Variants in PPT2 observed in about 807,000 individuals in gnomAD.
PPT2 encodes palmitoyl-protein thioesterase 2, also known as lysosomal thioesterase PPT2.
PPT2 carries 20 observed loss-of-function variants against 37.3 expected under a neutral mutation model. That is an observed-to-expected ratio of 0.54 (90% confidence interval 0.38 to 0.78). The LOEUF is 0.78. Among genes scored for constraint, PPT2 ranks in the 30% least tolerant of loss-of-function variants. PPT2 has a pLI of 0.00. For missense variants in PPT2, 270 were observed against 389.8 expected, an observed-to-expected ratio of 0.69 and a Z score of 2.59; for synonymous variants, 135 against 159.1, an observed-to-expected ratio of 0.85 and a Z score of 1.14.
At position 32,162,858 on chromosome 6, in the gene PPT2, A is replaced by G; in HGVS notation, c.817A>G (p.Ile273Val). ...GLKTLLARGA[I>V]VRCPMAGISH... ...GAAGACTCTATTGGCCCGGGGGGCC[A>G]TAGTGAGGTGTCCAATGGCCGGTAT... The change falls in exon 9 of 9, where the codon ATA (isoleucine) becomes GTA (valine). Residue 273 changes from isoleucine to valine, a missense_variant. Physicochemically the swap from Ile to Val is conservative, Grantham distance 29. Coordinates refer to ENST00000324816, the MANE Select transcript of PPT2 (RefSeq NM_005155.7). The surrounding 1 kb of genome is among the most constrained non-coding windows in gnomAD (Gnocchi z 5.5). 1 of 1,613,996 alleles carries G rather than the reference A, an allele frequency of 6.2e-7. No homozygotes were observed. The highest frequency in any genetic ancestry group is 8.5e-7 in the Non-Finnish European group (1 of 1,179,868).
At position 32,154,419 on chromosome 6, in the gene PPT2, T is replaced by G; in HGVS notation, c.-9+15T>G. The stretch of plus-strand genomic sequence containing the variant: ...GGTGCGCGTTGGTGCGTCAACGTGG[T>G]GGGGGGGTGTGTTTGTAGGGAGAGG... On this transcript the variant is annotated intron_variant, in intron 1 of 8. Coordinates refer to ENST00000324816, the MANE Select transcript of PPT2 (RefSeq NM_005155.7). This position sits in a 1 kb window ranked among gnomAD's most constrained non-coding sequence, Gnocchi z 7.3. 6.9e-7 allele frequency: 1 copy of G among 1,451,792 alleles called. No homozygotes were observed. Among genetic ancestry groups the G allele is most frequent in the Non-Finnish European group, 9.0e-7 (1 of 1,108,364 alleles). The allele number at this position is 1,451,792 out of a possible 1,614,324, so 89.9% of individuals were successfully genotyped here.
At position 32,155,003 on chromosome 6, in the gene PPT2, G is replaced by A. The variant is rs780521016; in HGVS notation, c.184-27G>A. The A allele has an allele frequency of 1.2e-6, 2 of 1,611,724 alleles. No homozygotes were observed. Among genetic ancestry groups the A allele is most frequent in the Non-Finnish European group, 1.7e-6 (2 of 1,179,820 alleles). On this transcript the variant is annotated intron_variant, in intron 2 of 8. Transcript: ENST00000324816. The surrounding 1 kb of genome is among the most constrained non-coding windows in gnomAD (Gnocchi z 4.3). ...TGTGGGAGCTTCTTAGCCTATCCCC[G>A]GTGGCTGCATTGCCCCCTTCCCACA...
chr6:32,160,441 C>T (rs565983256), intron 7 of PPT2, among the ~76,000 whole-genome samples: 114 of 151,410 alleles, frequency 7.5e-4, no homozygotes, highest in African/African-American at 2.3e-3. Context: ...GAAGCCGAGG[C>T]GGGTGGATCA....
In PPT2 at chr6:32,162,417, AC is replaced by A; in HGVS notation, c.711-149del. 1.3e-6 allele frequency: 1 copy of A among 743,414 alleles called. No homozygotes were observed. The highest frequency in any genetic ancestry group is 2.3e-6 in the Non-Finnish European group (1 of 435,270). The allele number at this position is 743,414 out of a possible 1,614,324, so 46.1% of individuals were successfully genotyped here. On this transcript the variant is annotated intron_variant, in intron 7 of 8. Transcript: ENST00000324816. This position sits in a 1 kb window ranked among gnomAD's most constrained non-coding sequence, Gnocchi z 5.5. ...GTATTTTTAGTAGAGATGGGGTTTC[AC>A]CATTTTGGTCAGGCTGGTCTTGAAC...
At position 32,162,552 on chromosome 6, in the gene PPT2, C is replaced by G. The variant is rs34129552; in HGVS notation, c.711-16C>G. 51,284 of 1,603,336 alleles carry G rather than the reference C, an allele frequency of 0.032. 1,208 individuals carry two copies. The highest frequency in any genetic ancestry group is 0.13 in the Middle Eastern group (761 of 6,034). ...CTCCAGCTCTTCTGATAACCTCCCC[C>G]CAAATCTCTTTGTAGCTTCTTTGGT... On this transcript the variant is annotated splice_polypyrimidine_tract_variant and intron_variant, in intron 7 of 8. Coordinates refer to ENST00000324816, the MANE Select transcript of PPT2 (RefSeq NM_005155.7). This position sits in a 1 kb window ranked among gnomAD's most constrained non-coding sequence, Gnocchi z 5.5.
At chr6:32,159,449 A>T (rs1783999655) in intron 7 of PPT2, among the ~76,000 whole-genome samples, 1 of 126,194 alleles carries the variant, frequency 7.9e-6, no homozygotes, top group Non-Finnish European at 1.7e-5. Flanking sequence ...AAAAAAAAAA[A>T]AAATATATAT....
rs772724213 is a variant in PPT2 at position 32,162,813 on chromosome 6, C to G, written c.772C>G (p.Leu258Val). ...CCCTTCGACCACCTTGAAGGTTTAT[C>G]TGCGGGATTCTTTTGGGTTGAAGAC... ...VLEMEEQLVY[L>V]RDSFGLKTLL... The change falls in exon 9 of 9, where the codon CTG becomes GTG. Residue 258 changes from leucine to valine, a missense_variant. Coordinates refer to ENST00000324816, the MANE Select transcript of PPT2 (RefSeq NM_005155.7). The surrounding 1 kb of genome is among the most constrained non-coding windows in gnomAD (Gnocchi z 5.5). 3 of 1,613,202 alleles carry G rather than the reference C, an allele frequency of 1.9e-6. No homozygotes were observed. The highest frequency in any genetic ancestry group is 3.3e-5 in the Admixed American group (2 of 59,828).
chr6:32,160,237 G>A (rs1784066825), intron 7 of PPT2, among the ~76,000 whole-genome samples: 1 of 150,154 alleles, frequency 6.7e-6, no homozygotes, highest in African/African-American at 2.4e-5. Context: ...AGTAGAGACG[G>A]GGTTTCACTG....
Position 32,162,642 on chromosome 6 carries a change from T to C in PPT2, c.765+20T>C. ...CAACTGGTGAGCCCCCTGGGATTAC[T>C]TCCCCTTCTAGCCGCTGTCCCACCT... On this transcript the variant is annotated intron_variant, in intron 8 of 8. Coordinates refer to ENST00000324816, the MANE Select transcript of PPT2 (RefSeq NM_005155.7). This position sits in a 1 kb window ranked among gnomAD's most constrained non-coding sequence, Gnocchi z 5.5. The C allele has an allele frequency of 6.3e-7, 1 of 1,595,652 alleles. No homozygotes were observed. The highest frequency in any genetic ancestry group is 8.6e-7 in the Non-Finnish European group (1 of 1,163,222).
upstream of PPT2, chr6:32,153,789 C>A: frequency 8.9e-7 from 1 of 1,119,524 alleles, no homozygotes; most frequent in Non-Finnish European, 1.2e-6. The surrounding 1 kb of genome is among the most constrained non-coding windows in gnomAD (Gnocchi z 4.4). Context: ...GCCCCCTGGC[C>A]GCCCCTTGGG....
rs1784202747 is a variant in PPT2, at chr6:32,162,166, T to C, written c.711-402T>C. ...TAGGCCTTGGGTTCCTTTGGGACCT[T>C]AGCCCACCTTGATTTCTTCCTTTCT... On this transcript the variant is annotated intron_variant, in intron 7 of 8. Coordinates refer to ENST00000324816, the MANE Select transcript of PPT2 (RefSeq NM_005155.7). This position sits in a 1 kb window ranked among gnomAD's most constrained non-coding sequence, Gnocchi z 5.5. 6.6e-6 allele frequency among the ~76,000 whole-genome samples: 1 copy of C among 152,230 alleles called. No homozygotes were observed. The highest frequency in any genetic ancestry group is 1.5e-5 in the Non-Finnish European group (1 of 68,040).
chr6:32,157,594 C>T, intron 5 of PPT2, 43 bp from the exon 6 acceptor site: 2 of 1,493,036 alleles, frequency 1.3e-6, no homozygotes, highest in Non-Finnish European at 9.3e-7. Flanking sequence ...ACCAGTCTTG[C>T]CTCCCTTTTC....
At chr6:32,153,995 C>T (rs1314234761), upstream of PPT2, 23 of 1,271,090 alleles carry the variant, frequency 1.8e-5, no homozygotes, top group Non-Finnish European at 2.3e-5. This position sits in a 1 kb window ranked among gnomAD's most constrained non-coding sequence, Gnocchi z 4.4. Flanking sequence ...TGTTTCCTCC[C>T]CAGCACCTAG....
At chr6:32,161,575 C>G (rs1784158547) in intron 7 of PPT2, among the ~76,000 whole-genome samples, 2 of 146,978 alleles carry the variant, frequency 1.4e-5, no homozygotes, top group South Asian at 4.3e-4. Context: ...AGGCATGAGC[C>G]ACCACACCTG....
chr6:32,162,751 T>TTA lies in PPT2; in HGVS notation c.766-55_766-54insAT. ...TCCAGGATCCCAGCAGTAACTCACTTTGTCTCTCCTTGTGTCTCTCTTCCA... is the reference window on the plus strand; with the variant it reads ...TCCAGGATCCCAGCAGTAACTCACTTTATGTCTCTCCTTGTGTCTCTCTTCCA... On this transcript the variant is annotated intron_variant, in intron 8 of 8. Transcript: ENST00000324816. The surrounding 1 kb of genome is among the most constrained non-coding windows in gnomAD (Gnocchi z 5.5). 1 of 1,599,484 alleles carries TTA rather than the reference T, an allele frequency of 6.3e-7. No homozygotes were observed. The highest frequency in any genetic ancestry group is 1.7e-5 in the Admixed American group (1 of 59,682).
chr6:32,154,871 G>T lies in PPT2; in HGVS notation c.183+94G>T. The T allele has an allele frequency of 6.5e-7, 1 of 1,530,312 alleles. No individual in the cohort carries two copies. The highest frequency in any genetic ancestry group is 1.4e-5 in the African/African-American group (1 of 73,106). The allele number at this position is 1,530,312 out of a possible 1,614,324, so 94.8% of individuals were successfully genotyped here. A position where few individuals can be genotyped will look rare whatever the true frequency, so the allele number is the denominator to read the frequency against. On this transcript the variant is annotated intron_variant, in intron 2 of 8. Coordinates refer to ENST00000324816, the MANE Select transcript of PPT2 (RefSeq NM_005155.7). This position sits in a 1 kb window ranked among gnomAD's most constrained non-coding sequence, Gnocchi z 7.3. ...AACTGAAAGCCACCCCTCTGGGCCT[G>T]CCCAGTTCCTCAGGGAGCTGGTGCT... is the stretch of plus-strand genomic sequence containing the variant.
At chr6:32,157,332 C>T (rs73406087) in intron 5 of PPT2, 24 of 445,202 alleles carry the variant, frequency 5.4e-5, no homozygotes, top group African/African-American at 1.2e-4. Context: ...GTGATTCCAG[C>T]GCCCCGAGTA....
At position 32,163,119 on chromosome 6, in the gene PPT2, C is replaced by A. The variant is rs1784276190; in HGVS notation, c.*169C>A. ...TAGAGACTTGGCCTCCCAGAACCCC[C>A]TTCCTCTGCTCCTCCATGAATGACA... On this transcript the variant is annotated 3_prime_UTR_variant, in exon 9 of 9. Coordinates refer to ENST00000324816, the MANE Select transcript of PPT2 (RefSeq NM_005155.7). 3 of 701,550 alleles carry A rather than the reference C, an allele frequency of 4.3e-6. No individual in the cohort carries two copies. Among genetic ancestry groups the A allele is most frequent in the Non-Finnish European group, 7.0e-6 (3 of 431,386 alleles). The allele number at this position is 701,550 out of a possible 1,614,324, so 43.5% of individuals were successfully genotyped here. A position where few individuals can be genotyped will look rare whatever the true frequency, so the allele number is the denominator to read the frequency against.
chr6:32,157,659 C>A lies in PPT2; in HGVS notation c.564C>A (p.Tyr188Ter). Residue 188 changes from tyrosine (Y) to a stop codon, truncating the protein, a stop_gained, in exon 6 of 9, where the codon TAC becomes TAA. Coordinates refer to ENST00000324816, the MANE Select transcript of PPT2 (RefSeq NM_005155.7). LOFTEE classifies it high-confidence loss of function. ...CAGATCCCCACCACGATGACTTGTACCTCAATGCCAGCAGCTTCCTGGCCC... is the reference window on the plus strand; with the variant it reads ...CAGATCCCCACCACGATGACTTGTAACTCAATGCCAGCAGCTTCCTGGCCC... Reference protein sequence around the residue: ...YWHDPHHDDLYLNASSFLALI... With the variant: ...YWHDPHHDDL 6.2e-7 allele frequency: 1 copy of A among 1,602,710 alleles called. No homozygotes were observed. The highest frequency in any genetic ancestry group is 8.5e-7 in the Non-Finnish European group (1 of 1,170,404).
Sources: allele counts gnomAD v4.1 joint callset (sites outside exome capture counted in the v4.1 genomes callset), GRCh38; gene constraint gnomAD v4.1.1; non-coding constraint Gnocchi (gnomAD v3.1); transcripts MANE v1.5; gene names NCBI Gene and HGNC (gene_info 2026-07-23, HGNC 2026-07-21).